Variants in ARPC3 observed in about 807,000 individuals in gnomAD.
ARPC3 encodes the protein actin-related protein 2/3 complex subunit 3.
Under a neutral mutation model 27.6 loss-of-function variants are expected in ARPC3, and 12 were observed. The observed-to-expected ratio is 0.43, with a 90% confidence interval of 0.28 to 0.70. The LOEUF is 0.70. Among genes scored for constraint, ARPC3 ranks in the 30% least tolerant of loss-of-function variants. The pLI, the probability that ARPC3 is intolerant of heterozygous loss-of-function variation, is 0.17. For synonymous variants in ARPC3, 53 were observed against 67.2 expected, an observed-to-expected ratio of 0.79 and a Z score of 1.03; for missense variants, 153 against 207.7, an observed-to-expected ratio of 0.74 and a Z score of 1.62.
chr12:110,436,755 T>C lies in ARPC3; in HGVS notation c.253-72A>G, dbSNP rs866043743. 2.4e-3 allele frequency: 2,440 copies of C among 1,019,434 alleles called. 8 individuals are homozygous for C. Among genetic ancestry groups the C allele is most frequent in the Middle Eastern group, 8.8e-3 (27 of 3,052 alleles). 63.1% of individuals were successfully genotyped at this position (1,019,434 alleles called of 1,614,324 possible). On this transcript the variant is annotated intron_variant, in intron 4 of 6. Transcript: ENST00000228825. The stretch of plus-strand genomic sequence containing the variant: ...ACACACACACACACACACACACACA[T>C]ATTTTACAGGGAAAAGAAGAATTCT...
chr12:110,435,906 G>A (rs1246211970), intron 6 of ARPC3, among the ~76,000 whole-genome samples: 4 of 152,222 alleles, frequency 2.6e-5, no homozygotes, highest in South Asian at 2.1e-4. Flanking sequence ...GATTACAGGC[G>A]TGAGCCACTG....
chr12:110,438,164 C>T (rs1245866229), intron 3 of ARPC3, among the ~76,000 whole-genome samples: 5 of 151,890 alleles, frequency 3.3e-5, no homozygotes, highest in African/African-American at 7.3e-5. Flanking sequence ...GTCATGGTGG[C>T]GTGCGCCTGT....
chr12:110,436,496 AG>A (rs2062404334), intron 5 of ARPC3, 60 bp downstream of exon 5: 2 of 1,605,030 alleles, frequency 1.2e-6, no homozygotes, highest in Non-Finnish European at 8.5e-7. Flanking sequence ...GAGGGGTGGT[AG>A]GAAGTCAAAT....
At chr12:110,450,114 G>A in intron 1 of ARPC3, 141 bp downstream of exon 1, 4 of 1,269,046 alleles carry the variant, frequency 3.2e-6, no homozygotes, top group Non-Finnish European at 4.5e-6. Context: ...TCAGCAACCG[G>A]TCCCCTCCCC....
chr12:110,436,493 G>C (rs1448051606), intron 5 of ARPC3, 64 bp downstream of exon 5: 1 of 1,601,676 alleles, frequency 6.2e-7, no homozygotes, highest in Non-Finnish European at 8.5e-7. Context: ...AAAGAGGGGT[G>C]GTAGGAAGTC....
intron 5 of ARPC3, 80 bp from the exon 6 acceptor site, chr12:110,436,284 T>G: frequency 8.3e-7 from 1 of 1,198,460 alleles, no homozygotes; most frequent in Non-Finnish European, 1.2e-6. Context: ...ATGCTCACTG[T>G]GGTAATACAT....
At chr12:110,437,531 C>G (rs2062413223) in intron 3 of ARPC3, among the ~76,000 whole-genome samples, 1 of 152,168 alleles carries the variant, frequency 6.6e-6, no homozygotes, top group African/African-American at 2.4e-5. Flanking sequence ...CCACGCCTGG[C>G]TAATTTTTCT....
Position 110,436,676 on chromosome 12 carries a change from G to T in ARPC3, c.260C>A (p.Ser87Tyr), listed in dbSNP as rs2062405936. 10 of 1,512,822 alleles carry T rather than the reference G, an allele frequency of 6.6e-6. No individual in the cohort carries two copies. Among genetic ancestry groups the T allele is most frequent in the African/African-American group, 1.6e-5 (1 of 61,264 alleles). The allele number at this position is 1,512,822 out of a possible 1,614,324, so 93.7% of individuals were successfully genotyped here. Residue 87 changes from serine to tyrosine, a missense_variant, in exon 5 of 7, where the codon TCC becomes TAC. Ser to Tyr is a moderately radical substitution (Grantham distance 144). Transcript: ENST00000228825. Reference protein sequence around the residue: ...ECLKKLQKCNSKSQGEKEMYT... With the variant: ...ECLKKLQKCNYKSQGEKEMYT... ...CATTTCTTTCTCACCTTGGCTTTTG[G>T]AATTGCACTGGAAAAAAAAATATAT...
intron 2 of ARPC3, among the ~76,000 whole-genome samples, chr12:110,443,680 G>A (rs767925086): frequency 6.6e-6 from 1 of 151,406 alleles, no homozygotes; most frequent in Non-Finnish European, 1.5e-5. Flanking sequence ...CAATCTGCCC[G>A]CCTCAGCCTC....
At chr12:110,444,279 G>GA (rs35199599) in intron 2 of ARPC3, among the ~76,000 whole-genome samples, 1 of 146,850 alleles carries the variant, frequency 6.8e-6, no homozygotes. Context: ...CCTTTGCAGT[G>GA]AAAAAAAATT....
chr12:110,441,240 C>T (rs974691688), intron 2 of ARPC3, among the ~76,000 whole-genome samples: 1 of 151,796 alleles, frequency 6.6e-6, no homozygotes, highest in Admixed American at 6.6e-5. Context: ...TCAAGCGATT[C>T]TCCTGCCTCA....
chr12:110,441,487 T>A (rs765641415), intron 2 of ARPC3, among the ~76,000 whole-genome samples: 6 of 152,104 alleles, frequency 3.9e-5, no homozygotes, highest in Non-Finnish European at 7.4e-5. Flanking sequence ...GCTTTATTGT[T>A]TTCGTAAAAC....
chr12:110,449,422 C>A (rs1248338896), intron 1 of ARPC3, among the ~76,000 whole-genome samples: 1 of 151,810 alleles, frequency 6.6e-6, no homozygotes, highest in Non-Finnish European at 1.5e-5. Context: ...ATTAGCTGGG[C>A]GTGGTGGCGC....
intron 1 of ARPC3, among the ~76,000 whole-genome samples, chr12:110,448,045 A>T (rs907048613): frequency 6.6e-6 from 1 of 151,442 alleles, no homozygotes; most frequent in Non-Finnish European, 1.5e-5. Flanking sequence ...CATCCAGCTA[A>T]TTTATTTTTA....
chr12:110,436,695 AATAT>A lies in ARPC3; in HGVS notation c.253-16_253-13del, dbSNP rs759554263. On this transcript the variant is annotated splice_polypyrimidine_tract_variant and intron_variant, in intron 4 of 6. Coordinates refer to ENST00000228825, the MANE Select transcript of ARPC3 (RefSeq NM_001278556.2). ...CTTTTGGAATTGCACTGGAAAAAAA[AATAT>A]ATATATATATATACACACACACACA... 3.3e-4 allele frequency: 242 copies of A among 734,924 alleles called. 10 individuals are homozygous for A. Among genetic ancestry groups the A allele is most frequent in the Middle Eastern group, 6.8e-4 (2 of 2,920 alleles). 45.5% of individuals were successfully genotyped at this position (734,924 alleles called of 1,614,324 possible). A position where few individuals can be genotyped will look rare whatever the true frequency, so the allele number is the denominator to read the frequency against.
In ARPC3 at chr12:110,437,250, T is replaced by C. The variant is rs2062411548; in HGVS notation, c.184-98A>G. 4.7e-6 allele frequency: 4 copies of C among 847,312 alleles called. No homozygotes were observed. In the East Asian group the frequency reaches 7.4e-5, roughly 16 times the overall value. 52.5% of individuals were successfully genotyped at this position (847,312 alleles called of 1,614,324 possible). A position where few individuals can be genotyped will look rare whatever the true frequency, so the allele number is the denominator to read the frequency against. On this transcript the variant is annotated intron_variant, in intron 3 of 6. Coordinates refer to ENST00000228825, the MANE Select transcript of ARPC3 (RefSeq NM_001278556.2). ...CTTTGTCTTCTGATTATCTGCTGAA[T>C]GCAGTGGTAGGACAGCCACTATCAC...
intron 1 of ARPC3, 24 bp from the exon 2 acceptor site, chr12:110,445,575 A>T: frequency 6.5e-7 from 1 of 1,529,368 alleles, no homozygotes; most frequent in Non-Finnish European, 9.1e-7. Flanking sequence ...CCCAGGAAGA[A>T]CACAGAAGCA....
intron 1 of ARPC3, among the ~76,000 whole-genome samples, chr12:110,447,205 A>G (rs1265518134): frequency 1.3e-5 from 2 of 152,208 alleles, no homozygotes; most frequent in Admixed American, 1.3e-4. Flanking sequence ...CCAAATTTGT[A>G]AAATGAGAAG....
At chr12:110,436,998 A>C in intron 4 of ARPC3, 86 bp downstream of exon 4, 2 of 974,678 alleles carry the variant, frequency 2.1e-6, no homozygotes, top group Non-Finnish European at 3.3e-6. Flanking sequence ...TTGTCTTTAA[A>C]GTCTCAACAA....
Sources: allele counts gnomAD v4.1 joint callset (sites outside exome capture counted in the v4.1 genomes callset), GRCh38; gene constraint gnomAD v4.1.1; transcripts MANE v1.5; gene names NCBI Gene and HGNC (gene_info 2026-07-23, HGNC 2026-07-21).